FBXW7: variants seen among roughly 807,000 people sequenced by gnomAD.
FBXW7 encodes F-box/WD repeat-containing protein 7.
A neutral mutation model predicts 86.3 loss-of-function variants in FBXW7; 11 were observed. The observed-to-expected ratio is 0.13, with a 90% CI of 0.08 to 0.21. The LOEUF (loss-of-function observed/expected upper bound fraction) is 0.21. Ranked by LOEUF, FBXW7 falls within the 10% of genes least tolerant of loss-of-function variation. The probability of loss-of-function intolerance (pLI) is 1.00; values close to 1 mark genes in which losing one functional copy is unlikely to be tolerated. For synonymous variants in FBXW7, 313 were observed against 297.9 expected (o/e 1.05, Z -0.52); for missense variants, 488 against 847.4 (o/e 0.58, Z 5.27).
chr4:152,394,488 A>C (rs1330827736), intron 4 of FBXW7, among the ~76,000 whole-genome samples: 1 of 152,136 alleles, frequency 6.6e-6, no homozygotes, highest in Non-Finnish European at 1.5e-5. Context: ...CATAGTTAGC[A>C]GTAACAAAAT....
intron 2 of FBXW7, among the ~76,000 whole-genome samples, chr4:152,442,951 T>C (rs989660172): frequency 3.3e-5 from 5 of 152,092 alleles, no homozygotes; most frequent in African/African-American, 9.7e-5. Context: ...TAGGTGAAGA[T>C]TGAAAGAAGT....
chr4:152,357,234 C>G (rs1051289522), intron 4 of FBXW7, among the ~76,000 whole-genome samples: 1 of 151,768 alleles, frequency 6.6e-6, no homozygotes, highest in Non-Finnish European at 1.5e-5. Flanking sequence ...ATATATAATC[C>G]AAACCTTTGT....
At position 152,322,559 on chromosome 4, in the gene FBXW7, A is replaced by G. The variant is rs917807530; in HGVS notation, c.*322T>C. 1.2e-5 allele frequency: 4 copies of G among 346,546 alleles called. No homozygotes were observed. Among genetic ancestry groups the G allele is most frequent in the East Asian group, 8.7e-5 (2 of 23,046 alleles). The allele number at this position is 346,546 out of a possible 1,614,324, so 21.5% of individuals were successfully genotyped here. ...GATGTTTCAGCATTAACACTGCCCAATGACCACTGGAGAAGAAAATAAAGA... is the reference window on the plus strand; with the variant it reads ...GATGTTTCAGCATTAACACTGCCCAGTGACCACTGGAGAAGAAAATAAAGA... On this transcript the variant is annotated 3_prime_UTR_variant, in exon 14 of 14. Transcript: ENST00000281708.
chr4:152,441,202 T>C (rs1471439961), intron 2 of FBXW7, among the ~76,000 whole-genome samples: 2 of 152,182 alleles, frequency 1.3e-5, no homozygotes, highest in Non-Finnish European at 2.9e-5. Context: ...TATCAACTTG[T>C]GATATCTCAA....
chr4:152,419,494 A>AACACAC (rs57894523), intron 2 of FBXW7, among the ~76,000 whole-genome samples: 7,152 of 123,184 alleles, frequency 0.058, 282 homozygotes, highest in East Asian at 0.1. Flanking sequence ...GGATAAGGTA[A>AACACAC]ACACACACAC....
chr4:152,395,656 T>C (rs1036756039), intron 4 of FBXW7, among the ~76,000 whole-genome samples: 1 of 152,066 alleles, frequency 6.6e-6, no homozygotes, highest in Admixed American at 6.6e-5. Flanking sequence ...GCTATGCATA[T>C]GCCGCACTTC....
intron 2 of FBXW7, among the ~76,000 whole-genome samples, chr4:152,453,679 A>C (rs1192634422): frequency 1.3e-5 from 2 of 152,192 alleles, no homozygotes; most frequent in Non-Finnish European, 2.9e-5. Flanking sequence ...TGAAAATGTA[A>C]ATCGAATTTT....
At chr4:152,533,122 G>A (rs968776947) in intron 2 of FBXW7, among the ~76,000 whole-genome samples, 7 of 151,852 alleles carry the variant, frequency 4.6e-5, no homozygotes, top group South Asian at 2.1e-4. Context: ...CCTGGGAGGC[G>A]GAGGTTGCAG....
intron 2 of FBXW7, among the ~76,000 whole-genome samples, chr4:152,419,882 C>T (rs1263252027): frequency 6.6e-6 from 1 of 152,076 alleles, no homozygotes; most frequent in Non-Finnish European, 1.5e-5. Context: ...TCAACTGAGA[C>T]TTCAGTGAGT....
chr4:152,436,279 A>T (rs79643565), intron 2 of FBXW7, among the ~76,000 whole-genome samples: 2,445 of 152,336 alleles, frequency 0.016, 76 homozygotes, highest in African/African-American at 0.056. Flanking sequence ...TAAAAGGTCA[A>T]ATCAACCATA....
intron 10 of FBXW7, 71 bp from the exon 11 acceptor site, chr4:152,328,460 A>T (rs1473535482): frequency 9.2e-7 from 1 of 1,087,118 alleles, no homozygotes; most frequent in Non-Finnish European, 1.3e-6. Context: ...TTAATAGCTC[A>T]TTAAAATTTG....
intron 2 of FBXW7, among the ~76,000 whole-genome samples, chr4:152,435,551 C>G (rs1384024485): frequency 6.6e-6 from 1 of 152,184 alleles, no homozygotes; most frequent in African/African-American, 2.4e-5. Context: ...ATCTCAGGAA[C>G]CCCTGCATTA....
intron 2 of FBXW7, among the ~76,000 whole-genome samples, chr4:152,427,532 C>A (rs1351443359): frequency 2.0e-5 from 3 of 152,210 alleles, no homozygotes; most frequent in African/African-American, 7.2e-5. Flanking sequence ...AGTCTGGGAA[C>A]TTAAATGTCT....
At chr4:152,391,993 G>A (rs1033115602) in intron 4 of FBXW7, among the ~76,000 whole-genome samples, 1 of 152,038 alleles carries the variant, frequency 6.6e-6, no homozygotes, top group African/African-American at 2.4e-5. Context: ...CTAGATAACT[G>A]AAATAAAGTA....
At chr4:152,490,382 TTACTTATTGGAC>T (rs1450253081) in intron 2 of FBXW7, among the ~76,000 whole-genome samples, 1 of 152,128 alleles carries the variant, frequency 6.6e-6, no homozygotes, top group Admixed American at 6.6e-5. Context: ...GAAAAATTTG[TTACTTATTGGAC>T]TCCCTAGAAC....
At chr4:152,327,473 C>T (rs983524384) in intron 11 of FBXW7, among the ~76,000 whole-genome samples, 1 of 151,548 alleles carries the variant, frequency 6.6e-6, no homozygotes, top group African/African-American at 2.4e-5. Flanking sequence ...GGTATGATGA[C>T]GATAATAGAA....
chr4:152,331,522 C>CA (rs2126541137), intron 8 of FBXW7, among the ~76,000 whole-genome samples: 1 of 151,988 alleles, frequency 6.6e-6, no homozygotes. Flanking sequence ...TAGTCAAACT[C>CA]ATAGAGACAG....
At chr4:152,396,702 T>C (rs1476160535) in intron 4 of FBXW7, among the ~76,000 whole-genome samples, 3 of 152,052 alleles carry the variant, frequency 2.0e-5, no homozygotes, top group African/African-American at 7.2e-5. Flanking sequence ...CTCATTTCAT[T>C]ACCTGTGCAA....
In FBXW7 at chr4:152,323,978, ATTT is replaced by A. The variant is rs996119091; in HGVS notation, c.1855+203_1855+205del. 31 of 546,822 alleles carry A rather than the reference ATTT, an allele frequency of 5.7e-5. No homozygotes were observed. The African/African-American group carries it at 5.9e-4, about 10-fold the overall frequency. 33.9% of individuals were successfully genotyped at this position (546,822 alleles called of 1,614,324 possible). ...TGAACATGCAGGAAGTGATTAAACA[ATTT>A]TATATTACATATTAAAAACACAGTT... On this transcript the variant is annotated intron_variant, in intron 13 of 13. Coordinates refer to ENST00000281708, the MANE Select transcript of FBXW7 (RefSeq NM_001349798.2).
Sources: allele counts gnomAD v4.1 joint callset (sites outside exome capture counted in the v4.1 genomes callset), GRCh38; gene constraint gnomAD v4.1.1; transcripts MANE v1.5; gene names NCBI Gene and HGNC (gene_info 2026-07-23, HGNC 2026-07-21).